The following HPSE2 variants were observed in gnomAD, a reference collection of about 807,000 sequenced individuals.
The protein encoded by HPSE2 is inactive heparanase-2.
HPSE2 carries 38 observed loss-of-function variants against 60.5 expected under a neutral mutation model. The ratio of observed to expected loss-of-function variants is 0.63; its 90% CI spans 0.48 to 0.82. The LOEUF (loss-of-function observed/expected upper bound fraction) is 0.82. Ranked by LOEUF, HPSE2 falls within the 40% of genes least tolerant of loss-of-function variation. The pLI is 0.00. For missense variants in HPSE2, 713 were observed against 740.4 expected, an observed-to-expected ratio of 0.96 and a Z score of 0.43; for synonymous variants, 295 against 293.2, an observed-to-expected ratio of 1.01 and a Z score of -0.06.
the HPSE2 span, among the ~76,000 whole-genome samples, chr10:99,304,516 C>T: frequency 2.0e-5 from 3 of 152,344 alleles, no homozygotes; most frequent in East Asian, 3.9e-4. Flanking sequence ...AAGCCAAGAA[C>T]GCTTGTGGGC....
chr10:99,208,612 C>A (rs191354031), intron 2 of HPSE2, among the ~76,000 whole-genome samples: 6 of 151,100 alleles, frequency 4.0e-5, no homozygotes, highest in Non-Finnish European at 7.4e-5. Context: ...ACCAACCCAG[C>A]AGGTCGAGGC....
intron 4 of HPSE2, among the ~76,000 whole-genome samples, chr10:98,737,231 A>C (rs1355555930): frequency 1.1e-5 from 1 of 92,930 alleles, no homozygotes; most frequent in Non-Finnish European, 2.3e-5. Context: ...TGTTATATAC[A>C]CATAAAAATA....
At chr10:98,973,961 G>A (rs1033518902) in intron 3 of HPSE2, among the ~76,000 whole-genome samples, 5 of 152,054 alleles carry the variant, frequency 3.3e-5, no homozygotes, top group Non-Finnish European at 7.4e-5. Flanking sequence ...GACAAAAGAG[G>A]GGTTTAAAAT....
chr10:99,185,023 G>A (rs1402868378), intron 2 of HPSE2, among the ~76,000 whole-genome samples: 1 of 151,554 alleles, frequency 6.6e-6, no homozygotes, highest in Non-Finnish European at 1.5e-5. Flanking sequence ...AAATTGGCTG[G>A]GTGCAGTGCT....
At chr10:99,267,777 C>CAAA in the HPSE2 span, among the ~76,000 whole-genome samples, 1 of 130,224 alleles carries the variant, frequency 7.7e-6, no homozygotes, top group Non-Finnish European at 1.6e-5. Context: ...GAGACTCCAT[C>CAAA]AAAAAAAAAA....
intron 4 of HPSE2, among the ~76,000 whole-genome samples, chr10:98,735,675 T>A (rs2134299432): frequency 6.6e-6 from 1 of 152,252 alleles, no homozygotes. Context: ...GGATGTGAGA[T>A]ATGGAGTCAA....
chr10:98,841,142 T>C (rs188710178), intron 3 of HPSE2, among the ~76,000 whole-genome samples: 1 of 152,064 alleles, frequency 6.6e-6, no homozygotes, highest in Non-Finnish European at 1.5e-5. Context: ...CCTGTAATCA[T>C]GGCTACTTGG....
At chr10:98,568,418 C>T (rs1443582316) in intron 9 of HPSE2, among the ~76,000 whole-genome samples, 1 of 152,136 alleles carries the variant, frequency 6.6e-6, no homozygotes, top group Non-Finnish European at 1.5e-5. Context: ...CAGGGACTGG[C>T]ACATTTCAGG....
intron 9 of HPSE2, among the ~76,000 whole-genome samples, chr10:98,574,362 A>T (rs1435827912): frequency 6.6e-6 from 1 of 152,188 alleles, no homozygotes; most frequent in Non-Finnish European, 1.5e-5. Flanking sequence ...AGGGAGGGGG[A>T]GAGAGGAATA....
intron 3 of HPSE2, among the ~76,000 whole-genome samples, chr10:98,855,461 C>T (rs1270877436): frequency 6.6e-6 from 1 of 152,048 alleles, no homozygotes. Context: ...CAGCTCAGAT[C>T]CTTTTGTCCT....
At chr10:99,212,181 T>C (rs567117596) in intron 2 of HPSE2, among the ~76,000 whole-genome samples, 1 of 152,178 alleles carries the variant, frequency 6.6e-6, no homozygotes, top group East Asian at 1.9e-4. Flanking sequence ...AGATAATAAG[T>C]GTTGGTGAGG....
At chr10:98,675,199 C>A (rs547280774) in intron 6 of HPSE2, among the ~76,000 whole-genome samples, 30 of 152,130 alleles carry the variant, frequency 2.0e-4, no homozygotes, top group Non-Finnish European at 3.7e-4. Flanking sequence ...CTGGAACATA[C>A]TTCCCTAAGG....
intron 2 of HPSE2, among the ~76,000 whole-genome samples, chr10:99,164,227 TTATATATATATATATATATATATATA>T (rs60497589): frequency 2.9e-3 from 100 of 34,044 alleles, no homozygotes; most frequent in South Asian, 3.6e-3. Context: ...TATTCAAGCA[TTATATATATATATATATATATATATA>T]TATATATATA....
At chr10:98,617,883 G>A (rs1589516893) in intron 8 of HPSE2, among the ~76,000 whole-genome samples, 1 of 152,134 alleles carries the variant, frequency 6.6e-6, no homozygotes. Flanking sequence ...TTGAACACTC[G>A]GTAGCAGAGA....
chr10:99,144,484 A>G (rs1589725968), intron 2 of HPSE2, 85 bp from the exon 3 acceptor site: 2 of 1,494,194 alleles, frequency 1.3e-6, no homozygotes, highest in East Asian at 4.5e-5. Context: ...TTTCACCCAA[A>G]ATGACAGAAT....
intron 3 of HPSE2, among the ~76,000 whole-genome samples, chr10:98,861,008 T>G (rs1175499048): frequency 6.6e-6 from 1 of 152,164 alleles, no homozygotes; most frequent in Non-Finnish European, 1.5e-5. Flanking sequence ...CACAAATGCA[T>G]CTACTGCAAA....
rs182126272 is a variant in HPSE2, at chr10:98,931,706, G to T, written c.611-187650C>A. On this transcript the variant is annotated intron_variant, in intron 3 of 11. Coordinates refer to ENST00000370552, the MANE Select transcript of HPSE2 (RefSeq NM_021828.5). ...ACTACCCTCATTAGCTGTATTCCTA[G>T]GTATTTTATTCTCTTTGTCACAATT... Among the ~76,000 whole-genome samples, 161 of 143,206 alleles carry T rather than the reference G, an allele frequency of 1.1e-3. 17 individuals carry two copies. The highest frequency in any genetic ancestry group is 7.2e-3 in the Middle Eastern group (2 of 278). 93.9% of individuals were successfully genotyped at this position (143,206 alleles called of 152,430 possible). A position where few individuals can be genotyped will look rare whatever the true frequency, so the allele number is the denominator to read the frequency against.
At chr10:99,146,735 C>T (rs1262792817) in intron 2 of HPSE2, among the ~76,000 whole-genome samples, 1 of 152,174 alleles carries the variant, frequency 6.6e-6, no homozygotes, top group East Asian at 1.9e-4. Context: ...GTGGCACACG[C>T]CTGTAGTTCC....
intron 7 of HPSE2, among the ~76,000 whole-genome samples, chr10:98,632,457 G>A (rs946927741): frequency 1.3e-5 from 2 of 152,076 alleles, no homozygotes; most frequent in Admixed American, 1.3e-4. Flanking sequence ...AAGAATCAAG[G>A]AAATTAAGGT....
Sources: gnomAD v4.1 joint callset for allele counts (sites outside exome capture counted in the v4.1 genomes callset) on GRCh38, gnomAD v4.1.1 for gene constraint, MANE v1.5 for transcripts, NCBI Gene and HGNC (gene_info 2026-07-23, HGNC 2026-07-21) for gene names.